The following WFS1 variants were observed in gnomAD, a reference collection of about 807,000 sequenced individuals.
WFS1 encodes the protein wolframin.
Under a neutral mutation model 68.5 loss-of-function variants are expected in WFS1, and 90 were observed. That is an observed-to-expected ratio of 1.31 (90% CI 1.11 to 1.56). The LOEUF (loss-of-function observed/expected upper bound fraction) is 1.56, where lower values mean the gene tolerates loss of function less well. WFS1 is among the 40% of genes most tolerant of loss of function. The pLI, the probability that WFS1 is intolerant of heterozygous loss-of-function variation, is 0.00. For synonymous variants in WFS1, 860 were observed against 540.7 expected (o/e 1.59, Z -8.19); for missense variants, 1,767 against 1,232.6 (o/e 1.43, Z -6.49).
Position 6,302,972 on chromosome 4 carries a change from C to A in WFS1, c.*504C>A, listed in dbSNP as rs888407611. 39 of 176,228 alleles carry A rather than the reference C, an allele frequency of 2.2e-4. No homozygotes were observed. Among genetic ancestry groups the A allele is most frequent in the African/African-American group, 8.8e-4 (37 of 42,024 alleles). The allele number at this position is 176,228 out of a possible 1,614,324, so 10.9% of individuals were successfully genotyped here. On this transcript the variant is annotated 3_prime_UTR_variant, in exon 8 of 8. Transcript: ENST00000226760. ...GATGTGCACGGCAGCTTGAGCCTGT[C>A]ACGTGGTCAAGGCCCGGCCCCATCA...
At chr4:6,294,992 AG>A in intron 6 of WFS1, 48 bp from the exon 7 acceptor site, 8 of 1,612,404 alleles carry the variant, frequency 5.0e-6, no homozygotes, top group Non-Finnish European at 6.8e-6. Context: ...TGAGGGTGGC[AG>A]TGGGGCTGCA....
intron 1 of WFS1, among the ~76,000 whole-genome samples, chr4:6,272,797 C>T (rs1265829035): frequency 6.6e-6 from 1 of 152,242 alleles, no homozygotes; most frequent in East Asian, 1.9e-4. Flanking sequence ...CCTAAACAGA[C>T]TCCGGCTAAT....
rs372114182 is a variant in WFS1 at position 6,301,894 on chromosome 4, G to A, written c.2099G>A (p.Trp700Ter). Residue 700 changes from tryptophan to a stop codon, truncating the protein, a stop_gained, in exon 8 of 8, where the codon TGG (tryptophan) becomes TAG (stop). Coordinates refer to ENST00000226760, the MANE Select transcript of WFS1 (RefSeq NM_006005.3). LOFTEE classifies it high-confidence loss of function. ...CACCTGGAGGGCCACAGGGTCACGT[G>A]GACCGGCCGCTTCAAGTACGTCCGC... ...CSHLEGHRVT[W>*]TGRFKYVRVT... 1.6e-5 allele frequency: 26 copies of A among 1,612,818 alleles called. No individual in the cohort carries two copies. Among genetic ancestry groups the A allele is most frequent in the Non-Finnish European group, 2.1e-5 (25 of 1,179,828 alleles).
At chr4:6,286,312 G>A (rs1730306957) in intron 2 of WFS1, among the ~76,000 whole-genome samples, 1 of 152,200 alleles carries the variant, frequency 6.6e-6, no homozygotes, top group African/African-American at 2.4e-5. Context: ...TGGCTTTACG[G>A]TGGAATTAGT....
rs202082612 is a variant in WFS1, at chr4:6,302,149, G to A, written c.2354G>A (p.Ser785Asn). Residue 785 changes from serine to asparagine, a missense_variant, in exon 8 of 8, where the codon AGC becomes AAC. Physicochemically the swap from Ser to Asn is conservative, Grantham distance 46. Transcript: ENST00000226760. ...ATTACCGTGGGCATGCCATTCAGCA[G>A]CGGCGCTGACGGCTCGCGCAGCCGC... is the stretch of plus-strand genomic sequence containing the variant. The part of the protein sequence containing the change: ...FEITVGMPFS[S>N]GADGSRSREE... 4.3e-6 allele frequency: 7 copies of A among 1,612,998 alleles called. No homozygotes were observed. The South Asian group carries it at 7.7e-5, about 18-fold the overall frequency.
At chr4:6,293,703 G>A (rs1294860190) in intron 6 of WFS1, among the ~76,000 whole-genome samples, 1 of 152,172 alleles carries the variant, frequency 6.6e-6, no homozygotes, top group Admixed American at 6.5e-5. Flanking sequence ...CTCAGGACAG[G>A]ACATCCTGCC....
chr4:6,293,574 C>A (rs1386848718), intron 6 of WFS1, among the ~76,000 whole-genome samples: 2 of 152,138 alleles, frequency 1.3e-5, no homozygotes, highest in Non-Finnish European at 2.9e-5. Flanking sequence ...CTTGATCTGT[C>A]AGCAGCGTGG....
chr4:6,271,696 C>G (rs1487840318), intron 1 of WFS1, among the ~76,000 whole-genome samples: 1 of 152,174 alleles, frequency 6.6e-6, no homozygotes, highest in Non-Finnish European at 1.5e-5. Context: ...CACTCGGATG[C>G]CTGCCCTGGT....
At chr4:6,288,812 G>T (rs945940601) in intron 3 of WFS1, 175 bp from the exon 4 acceptor site, 42 of 945,756 alleles carry the variant, frequency 4.4e-5, no homozygotes, top group African/African-American at 4.2e-4. Context: ...GGAGCGAGTG[G>T]CCGGAGGCTC....
chr4:6,295,264 A>T (rs536514767), intron 7 of WFS1, 75 bp downstream of exon 7: 1 of 1,583,042 alleles, frequency 6.3e-7, no homozygotes, highest in African/African-American at 1.3e-5. Context: ...GGCACCTTCC[A>T]GGAAGCTGCA....
intron 2 of WFS1, among the ~76,000 whole-genome samples, chr4:6,284,234 ATGGTGGCGGCCGCC>A (rs1730246098): frequency 6.6e-6 from 1 of 152,070 alleles, no homozygotes; most frequent in Non-Finnish European, 1.5e-5. Context: ...TTAGCTGGGC[ATGGTGGCGGCCGCC>A]TGTATTCCCA....
chr4:6,291,840 C>A, intron 5 of WFS1, 77 bp from the exon 6 acceptor site: 1 of 1,467,156 alleles, frequency 6.8e-7, no homozygotes, highest in Non-Finnish European at 9.3e-7. Flanking sequence ...AGGAACAGTG[C>A]GCCAGTTTCT....
rs529258617 is a variant in WFS1 at position 6,292,446 on chromosome 4, G to A, written c.712+449G>A. Among the ~76,000 whole-genome samples, 83 of 152,256 alleles carry A rather than the reference G, an allele frequency of 5.5e-4. 1 individual carries two copies. The highest frequency in any genetic ancestry group is 2.5e-3 in the South Asian group (12 of 4,824). ...GGTGTGGAAGGGGCTCTGCCCCAGC[G>A]TAGGCCCTTTGTAGGTAGGCAGGGA... On this transcript the variant is annotated intron_variant, in intron 6 of 7. Coordinates refer to ENST00000226760, the MANE Select transcript of WFS1 (RefSeq NM_006005.3).
chr4:6,276,397 G>C (rs141260893), intron 1 of WFS1, among the ~76,000 whole-genome samples: 5 of 152,328 alleles, frequency 3.3e-5, no homozygotes, highest in African/African-American at 1.2e-4. Context: ...CCTTGCTCCG[G>C]CGTGACACGG....
At chr4:6,297,474 C>A (rs906304132) in intron 7 of WFS1, among the ~76,000 whole-genome samples, 13 of 152,190 alleles carry the variant, frequency 8.5e-5, no homozygotes, top group Non-Finnish European at 2.9e-5. Flanking sequence ...TAGATAGAAT[C>A]CTCTGAAAAC....
rs749523831 is a variant in WFS1, at chr4:6,283,161, C to T, written c.233-3932C>T. ...AAGTGAGGGTCATTGACTGATTCCA[C>T]GTGGCATCCATGAATCTCTCAAATC... On this transcript the variant is annotated intron_variant, in intron 2 of 7. Coordinates refer to ENST00000226760, the MANE Select transcript of WFS1 (RefSeq NM_006005.3). This position sits in a 1 kb window ranked among gnomAD's most constrained non-coding sequence, Gnocchi z 5.0. Among the ~76,000 whole-genome samples the T allele has an allele frequency of 3.9e-5, 6 of 152,166 alleles. No homozygotes were observed. The highest frequency in any genetic ancestry group is 7.3e-5 in the Non-Finnish European group (5 of 68,032).
rs1578611960 is a variant in WFS1 at position 6,301,896 on chromosome 4, A to T, written c.2101A>T (p.Thr701Ser). 4 of 1,612,652 alleles carry T rather than the reference A, an allele frequency of 2.5e-6. No homozygotes were observed. The highest frequency in any genetic ancestry group is 1.6e-4 in the Middle Eastern group (1 of 6,084). ...CCTGGAGGGCCACAGGGTCACGTGG[A>T]CCGGCCGCTTCAAGTACGTCCGCGT... ...SHLEGHRVTWTGRFKYVRVTD... is the reference protein window; with the variant it reads ...SHLEGHRVTWSGRFKYVRVTD... Residue 701 changes from threonine to serine, a missense_variant, in exon 8 of 8, where the codon ACC (threonine) becomes TCC (serine). Transcript: ENST00000226760.
intron 1 of WFS1, among the ~76,000 whole-genome samples, chr4:6,273,936 T>C (rs955606490): frequency 6.6e-6 from 1 of 152,266 alleles, no homozygotes; most frequent in African/African-American, 2.4e-5. Context: ...ACATGGTACA[T>C]AGGCCAGCTA....
In WFS1 at chr4:6,291,387, G is replaced by A. The variant is rs1368454663; in HGVS notation, c.631+20G>A. On this transcript the variant is annotated intron_variant, in intron 5 of 7. Coordinates refer to ENST00000226760, the MANE Select transcript of WFS1 (RefSeq NM_006005.3). The stretch of plus-strand genomic sequence containing the variant: ...AGCACGGTGCGAGGATTCACCCTGG[G>A]CACCAGCCTTCCCTGGGCGCCAGCC... 7 of 1,610,176 alleles carry A rather than the reference G, an allele frequency of 4.3e-6. No individual in the cohort carries two copies. Among genetic ancestry groups the A allele is most frequent in the East Asian group, 4.5e-5 (2 of 44,860 alleles).
Sources: allele counts gnomAD v4.1 joint callset (sites outside exome capture counted in the v4.1 genomes callset), GRCh38; gene constraint gnomAD v4.1.1; non-coding constraint Gnocchi (gnomAD v3.1); transcripts MANE v1.5; gene names NCBI Gene and HGNC (gene_info 2026-07-23, HGNC 2026-07-21).